The following DCLK2 variants were observed in gnomAD, a reference collection of about 807,000 sequenced individuals.
DCLK2 encodes doublecortin like kinase 2.
Under a neutral mutation model 78.4 loss-of-function variants are expected in DCLK2, and 31 were observed. The observed-to-expected ratio is 0.40, with a 90% CI of 0.30 to 0.53. The LOEUF is 0.53. Among genes scored for constraint, DCLK2 ranks in the 20% least tolerant of loss-of-function variants. The probability of loss-of-function intolerance (pLI) is 0.61; values close to 1 mark genes in which losing one functional copy is unlikely to be tolerated. For synonymous variants in DCLK2, 407 were observed against 374.9 expected (o/e 1.09, Z -0.99); for missense variants, 872 against 973.7 (o/e 0.90, Z 1.39).
rs80231442 is a variant in DCLK2 at position 150,191,506 on chromosome 4, G to A, written c.757-1632G>A. 6.1e-3 allele frequency among the ~76,000 whole-genome samples: 923 copies of A among 151,448 alleles called. 14 individuals carry two copies. Among genetic ancestry groups the A allele is most frequent in the African/African-American group, 0.021 (867 of 41,212 alleles). On this transcript the variant is annotated intron_variant, in intron 2 of 15. Coordinates refer to ENST00000296550, the MANE Select transcript of DCLK2 (RefSeq NM_001040260.4). ...GAAGTAAAAAGGCCTAAATGTGAGC[G>A]GTTGGTGAGGAAAGGAGAAAGGATG... is the stretch of plus-strand genomic sequence containing the variant.
intron 2 of DCLK2, among the ~76,000 whole-genome samples, chr4:150,127,887 G>T (rs1733030414): frequency 6.6e-6 from 1 of 152,166 alleles, no homozygotes; most frequent in Admixed American, 6.5e-5. Context: ...CTTGCCTATA[G>T]CTGGCTGCTT....
intron 5 of DCLK2, among the ~76,000 whole-genome samples, chr4:150,219,008 A>G (rs1481822223): frequency 6.6e-6 from 1 of 152,150 alleles, no homozygotes; most frequent in Non-Finnish European, 1.5e-5. Flanking sequence ...GTTCGAGACC[A>G]GCCTGGGAAA....
At chr4:150,097,319 T>C (rs1275244930) in intron 1 of DCLK2, among the ~76,000 whole-genome samples, 1 of 151,854 alleles carries the variant, frequency 6.6e-6, no homozygotes, top group Non-Finnish European at 1.5e-5. Context: ...GCACCACCAC[T>C]TGTGGCTAAT....
intron 2 of DCLK2, among the ~76,000 whole-genome samples, chr4:150,120,160 A>G (rs980347216): frequency 4.6e-5 from 7 of 152,200 alleles, no homozygotes; most frequent in Admixed American, 6.5e-5. Flanking sequence ...TCAGTATAGT[A>G]TTTTAGGATG....
At chr4:150,201,847 A>G (rs2359926) in intron 4 of DCLK2, among the ~76,000 whole-genome samples, 148,073 of 152,290 alleles carry the variant, frequency 0.97, 72,097 homozygotes, top group African/African-American at 0.99. Flanking sequence ...TCACCTCACC[A>G]CAAGCTTACT....
intron 5 of DCLK2, among the ~76,000 whole-genome samples, chr4:150,219,389 G>A (rs543038690): frequency 6.6e-6 from 1 of 150,932 alleles, no homozygotes; most frequent in African/African-American, 2.4e-5. Flanking sequence ...TGCCTCCCAG[G>A]TAGCTGGGAT....
chr4:150,135,435 A>T (rs1733623918), intron 2 of DCLK2, among the ~76,000 whole-genome samples: 1 of 152,226 alleles, frequency 6.6e-6, no homozygotes, highest in East Asian at 1.9e-4. Context: ...ACTCAAATAT[A>T]ATGAGTAGTA....
intron 15 of DCLK2, among the ~76,000 whole-genome samples, chr4:150,250,150 A>G (rs373490286): frequency 5.9e-5 from 9 of 152,236 alleles, no homozygotes; most frequent in African/African-American, 2.2e-4. Context: ...TTTATAAAAC[A>G]CAGTTTGGGG....
chr4:150,084,771 A>G (rs928370880), intron 1 of DCLK2, among the ~76,000 whole-genome samples: 2 of 152,182 alleles, frequency 1.3e-5, no homozygotes, highest in Non-Finnish European at 2.9e-5. Flanking sequence ...GTGATCATCT[A>G]ACTGCTTTCT....
chr4:150,237,352 A>G (rs1742587490), intron 10 of DCLK2, among the ~76,000 whole-genome samples: 1 of 152,176 alleles, frequency 6.6e-6, no homozygotes, highest in African/African-American at 2.4e-5. Flanking sequence ...TGAATCATTC[A>G]TATCTTTGAA....
rs1008912890 is a variant in DCLK2 at position 150,253,645 on chromosome 4, C to T, written c.2074-2375C>T. 86 of 1,270,160 alleles carry T rather than the reference C, an allele frequency of 6.8e-5. 2 individuals carry two copies. In the East Asian group the frequency reaches 1.5e-3, roughly 22 times the overall value. 78.7% of individuals were successfully genotyped at this position (1,270,160 alleles called of 1,614,324 possible). On this transcript the variant is annotated intron_variant, in intron 15 of 15. Coordinates refer to ENST00000296550, the MANE Select transcript of DCLK2 (RefSeq NM_001040260.4). ...TGTCTCAGTTTCTGATGCCGCCGTC[C>T]GGCTCTCAGCTGCTTACTGGTGTGG...
At chr4:150,211,707 C>T (rs1740333540) in intron 5 of DCLK2, among the ~76,000 whole-genome samples, 1 of 152,140 alleles carries the variant, frequency 6.6e-6, no homozygotes, top group Admixed American at 6.5e-5. Flanking sequence ...ACTCCCTACT[C>T]ATTCTTTTTC....
intron 5 of DCLK2, among the ~76,000 whole-genome samples, chr4:150,211,318 A>G (rs965549318): frequency 1.3e-5 from 2 of 151,850 alleles, no homozygotes; most frequent in Non-Finnish European, 2.9e-5. Flanking sequence ...GTGATAAGAG[A>G]GAGAGAGAGA....
intron 2 of DCLK2, among the ~76,000 whole-genome samples, chr4:150,128,206 C>T (rs1451184961): frequency 6.6e-6 from 1 of 152,152 alleles, no homozygotes; most frequent in African/African-American, 2.4e-5. Flanking sequence ...GCCTCCAAAA[C>T]AAAGAATTGC....
chr4:150,176,730 C>T (rs996004778), intron 2 of DCLK2, among the ~76,000 whole-genome samples: 7 of 152,300 alleles, frequency 4.6e-5, no homozygotes, highest in South Asian at 2.1e-4. Context: ...AGACTGCATT[C>T]CCTTTGCTTT....
At chr4:150,217,534 T>C (rs542398248) in intron 5 of DCLK2, among the ~76,000 whole-genome samples, 14 of 152,328 alleles carry the variant, frequency 9.2e-5, no homozygotes, top group African/African-American at 2.4e-4. Flanking sequence ...TATCCTGAAA[T>C]GCAGAGGTTT....
intron 12 of DCLK2, among the ~76,000 whole-genome samples, chr4:150,246,388 T>C (rs904055675): frequency 2.6e-5 from 4 of 152,202 alleles, no homozygotes; most frequent in Non-Finnish European, 4.4e-5. Flanking sequence ...GGGAGCCATG[T>C]CATCACAACA....
At chr4:150,199,634 C>G (rs926339822) in intron 4 of DCLK2, among the ~76,000 whole-genome samples, 7 of 152,188 alleles carry the variant, frequency 4.6e-5, no homozygotes, top group Non-Finnish European at 1.0e-4. Context: ...AACCTGTTCT[C>G]TCTAAAAATG....
At chr4:150,168,104 G>A (rs1437659933) in intron 2 of DCLK2, among the ~76,000 whole-genome samples, 4 of 152,176 alleles carry the variant, frequency 2.6e-5, no homozygotes, top group African/African-American at 9.7e-5. Context: ...AGCACTTTGG[G>A]AGGCCAAGGC....
Sources: allele counts gnomAD v4.1 joint callset (sites outside exome capture counted in the v4.1 genomes callset), GRCh38; gene constraint gnomAD v4.1.1; transcripts MANE v1.5; gene names NCBI Gene and HGNC (gene_info 2026-07-23, HGNC 2026-07-21).